STXBP4: variants seen among roughly 807,000 people sequenced by gnomAD.
STXBP4 encodes the protein syntaxin binding protein 4.
Under a neutral mutation model 76.1 loss-of-function variants are expected in STXBP4, and 55 were observed. That is an observed-to-expected ratio of 0.72 (90% CI 0.58 to 0.91). The LOEUF (loss-of-function observed/expected upper bound fraction) is 0.91. Among genes scored for constraint, STXBP4 ranks in the 40% least tolerant of loss-of-function variants. STXBP4 has a pLI of 0.00. For missense variants in STXBP4, 618 were observed against 636.9 expected (o/e 0.97, Z 0.32); for synonymous variants, 201 against 220.2 (o/e 0.91, Z 0.77).
intron 16 of STXBP4, among the ~76,000 whole-genome samples, chr17:55,081,957 T>C (rs888564558): frequency 2.6e-5 from 4 of 152,218 alleles, no homozygotes; most frequent in East Asian, 1.9e-4. Flanking sequence ...CAGACACTTT[T>C]GTCTCTTTAT....
intron 8 of STXBP4, among the ~76,000 whole-genome samples, chr17:55,027,041 C>G (rs1205575854): frequency 6.6e-6 from 1 of 152,142 alleles, no homozygotes; most frequent in African/African-American, 2.4e-5. Flanking sequence ...AGTGAGAGAC[C>G]TGCATTGCCA....
At chr17:55,143,602 TG>T (rs1278891740) in intron 17 of STXBP4, among the ~76,000 whole-genome samples, 1 of 152,208 alleles carries the variant, frequency 6.6e-6, no homozygotes, top group Non-Finnish European at 1.5e-5. Flanking sequence ...AGCCTTGGGC[TG>T]GTCTCCCACT....
At chr17:55,060,609 A>G (rs970339481) in intron 12 of STXBP4, among the ~76,000 whole-genome samples, 1 of 152,132 alleles carries the variant, frequency 6.6e-6, no homozygotes, top group Non-Finnish European at 1.5e-5. Context: ...GTTTTATTCA[A>G]TCAAGGATAG....
chr17:55,137,283 C>G (rs1426473207), intron 16 of STXBP4, among the ~76,000 whole-genome samples: 1 of 135,346 alleles, frequency 7.4e-6, no homozygotes. Flanking sequence ...TTCCCTCCCT[C>G]CCTCCCTCCC....
chr17:55,165,295 G>A lies in STXBP4; in HGVS notation c.*5384G>A, dbSNP rs1387313213. 6.6e-6 allele frequency: 1 copy of A among 152,206 alleles called. No individual in the cohort carries two copies. Among genetic ancestry groups the A allele is most frequent in the Non-Finnish European group, 1.5e-5 (1 of 68,054 alleles). 9.4% of individuals were successfully genotyped at this position (152,206 alleles called of 1,614,324 possible). The stretch of plus-strand genomic sequence containing the variant: ...GAGAAGGAGAAAAAAGAACAAAAAT[G>A]TTGGTAGGGCACAGAGAAGGACCTG... On this transcript the variant is annotated 3_prime_UTR_variant, in exon 18 of 18. Coordinates refer to ENST00000376352, the MANE Select transcript of STXBP4 (RefSeq NM_178509.6).
intron 8 of STXBP4, among the ~76,000 whole-genome samples, chr17:55,014,036 C>T (rs1364857360): frequency 6.6e-6 from 1 of 152,204 alleles, no homozygotes; most frequent in Non-Finnish European, 1.5e-5. Context: ...CTTGCACTAA[C>T]CTCCACTGTC....
At chr17:55,130,552 G>C (rs547970564) in intron 16 of STXBP4, among the ~76,000 whole-genome samples, 8 of 152,016 alleles carry the variant, frequency 5.3e-5, no homozygotes, top group Non-Finnish European at 1.2e-4. Flanking sequence ...TACACTTTTA[G>C]CAATTTTGAA....
the STXBP4 span, among the ~76,000 whole-genome samples, chr17:55,185,809 A>C: frequency 1.8e-4 from 28 of 152,270 alleles, no homozygotes; most frequent in East Asian, 2.7e-3. Context: ...TTAATGGTTG[A>C]CCCAAGCCTT....
chr17:55,177,442 C>A (rs1335518569), downstream of STXBP4, among the ~76,000 whole-genome samples: 1 of 152,144 alleles, frequency 6.6e-6, no homozygotes, highest in Non-Finnish European at 1.5e-5. Context: ...CTCTGGCAAC[C>A]AGAAAGCACA....
intron 12 of STXBP4, among the ~76,000 whole-genome samples, chr17:55,063,832 A>C (rs2079020358): frequency 6.6e-6 from 1 of 152,244 alleles, no homozygotes; most frequent in Admixed American, 6.5e-5. Context: ...AAATTCCATT[A>C]TTCAGTTGCT....
At chr17:55,151,962 G>C (rs535969099) in intron 17 of STXBP4, among the ~76,000 whole-genome samples, 12 of 152,270 alleles carry the variant, frequency 7.9e-5, no homozygotes, top group African/African-American at 2.9e-4. Context: ...TGAGAATATT[G>C]GTGAGAAGGA....
At chr17:55,096,814 A>G (rs2079492794) in intron 16 of STXBP4, among the ~76,000 whole-genome samples, 1 of 152,196 alleles carries the variant, frequency 6.6e-6, no homozygotes, top group Admixed American at 6.5e-5. Context: ...GCACTCCTCC[A>G]TAAAGTGAGC....
chr17:55,099,330 G>A (rs2079535891), intron 16 of STXBP4, among the ~76,000 whole-genome samples: 1 of 152,130 alleles, frequency 6.6e-6, no homozygotes, highest in African/African-American at 2.4e-5. Context: ...TTAATGACAA[G>A]GATATATTCT....
chr17:55,160,075 T>C lies in STXBP4; in HGVS notation c.*164T>C. The C allele has an allele frequency of 2.0e-6, 1 of 493,252 alleles. No homozygotes were observed. The highest frequency in any genetic ancestry group is 3.6e-5 in the South Asian group (1 of 27,446). 30.6% of individuals were successfully genotyped at this position (493,252 alleles called of 1,614,324 possible). ...GGTATTTTTGTAAAACTTTTGATATTTCTGTATACATTTAAAAAATCAATT... is the reference window on the plus strand; with the variant it reads ...GGTATTTTTGTAAAACTTTTGATATCTCTGTATACATTTAAAAAATCAATT... On this transcript the variant is annotated 3_prime_UTR_variant, in exon 18 of 18. Transcript: ENST00000376352.
chr17:54,993,480 T>TA lies in STXBP4; in HGVS notation c.180+2530dup, dbSNP rs897993418. Among the ~76,000 whole-genome samples the TA allele has an allele frequency of 2.6e-4, 19 of 72,582 alleles. No homozygotes were observed. In the East Asian group the frequency reaches 7.0e-3, roughly 27 times the overall value. The allele number at this position is 72,582 out of a possible 152,430, so 47.6% of individuals were successfully genotyped here. Reference sequence around the variant, plus strand: ...TGGGCAACAGAGCATTTCTAAAAAATAAAAAAATTTATAGAAGTAATTTTC... The same window carrying TA: ...TGGGCAACAGAGCATTTCTAAAAAATAAAAAAAATTTATAGAAGTAATTTTC... On this transcript the variant is annotated intron_variant, in intron 4 of 17. Coordinates refer to ENST00000376352, the MANE Select transcript of STXBP4 (RefSeq NM_178509.6).
chr17:55,189,112 C>T, the STXBP4 span, among the ~76,000 whole-genome samples: 3 of 151,952 alleles, frequency 2.0e-5, no homozygotes, highest in African/African-American at 4.8e-5. Context: ...CTCCCCTTTG[C>T]GTGCTCAGTA....
chr17:55,005,689 C>G (rs1403363022), intron 7 of STXBP4, among the ~76,000 whole-genome samples: 3 of 152,168 alleles, frequency 2.0e-5, no homozygotes, highest in Non-Finnish European at 2.9e-5. Context: ...ATAATTCAAG[C>G]CCAGGTTTAG....
the STXBP4 span, among the ~76,000 whole-genome samples, chr17:55,204,902 A>C: frequency 6.6e-6 from 1 of 151,990 alleles, no homozygotes; most frequent in Non-Finnish European, 1.5e-5. Context: ...ATATACATCT[A>C]TATTTCTTAC....
intron 1 of STXBP4, among the ~76,000 whole-genome samples, chr17:54,981,938 C>G (rs1017471375): frequency 1.3e-5 from 2 of 152,154 alleles, no homozygotes; most frequent in African/African-American, 4.8e-5. Flanking sequence ...AAAAACTCTT[C>G]TGCCTCACTC....
Sources: allele counts gnomAD v4.1 joint callset (sites outside exome capture counted in the v4.1 genomes callset), GRCh38; gene constraint gnomAD v4.1.1; transcripts MANE v1.5; gene names NCBI Gene and HGNC (gene_info 2026-07-23, HGNC 2026-07-21).